CAMKMT: variants seen among roughly 807,000 people sequenced by gnomAD.
The protein encoded by CAMKMT is CaM KMT.
In CAMKMT, 53 loss-of-function variants were observed where a neutral mutation model predicts 48.0. The ratio of observed to expected loss-of-function variants is 1.10; its 90% CI spans 0.89 to 1.39. CAMKMT has a LOEUF of 1.39. CAMKMT is among the 40% of genes most tolerant of loss of function. The probability of loss-of-function intolerance (pLI) is 0.00; values close to 1 mark genes in which losing one functional copy is unlikely to be tolerated. For missense variants in CAMKMT, 428 were observed against 402.7 expected, an observed-to-expected ratio of 1.06 and a Z score of -0.54; for synonymous variants, 165 against 152.3, an observed-to-expected ratio of 1.08 and a Z score of -0.61.
chr2:44,420,380 A>G (rs1260901659), intron 3 of CAMKMT, among the ~76,000 whole-genome samples: 2 of 152,114 alleles, frequency 1.3e-5, no homozygotes, highest in Non-Finnish European at 2.9e-5. Flanking sequence ...GGCAATATAT[A>G]TGTAGAGATA....
At chr2:44,438,925 A>G (rs917837058) in intron 3 of CAMKMT, among the ~76,000 whole-genome samples, 1 of 151,314 alleles carries the variant, frequency 6.6e-6, no homozygotes, top group Non-Finnish European at 1.5e-5. Flanking sequence ...CATCCCCTTA[A>G]CCCCTTGCCT....
At chr2:44,533,343 A>G (rs753882899) in intron 3 of CAMKMT, among the ~76,000 whole-genome samples, 2 of 151,570 alleles carry the variant, frequency 1.3e-5, no homozygotes, top group African/African-American at 2.4e-5. Context: ...GGTTCAAGCA[A>G]TTCTCCTGCC....
intron 3 of CAMKMT, among the ~76,000 whole-genome samples, chr2:44,435,822 T>C (rs1666204958): frequency 6.6e-6 from 1 of 152,232 alleles, no homozygotes. Flanking sequence ...GCCTTTTTAG[T>C]TCATAGTTTA....
intron 3 of CAMKMT, among the ~76,000 whole-genome samples, chr2:44,583,183 A>T (rs1406275902): frequency 6.6e-6 from 1 of 152,158 alleles, no homozygotes; most frequent in African/African-American, 2.4e-5. Context: ...ATTAAAATGG[A>T]CTGGATATTC....
intron 3 of CAMKMT, among the ~76,000 whole-genome samples, chr2:44,620,406 A>G (rs1340748397): frequency 6.6e-6 from 1 of 152,102 alleles, no homozygotes; most frequent in Non-Finnish European, 1.5e-5. Context: ...CATTAACCCT[A>G]CATAAAGCTA....
Position 44,473,664 on chromosome 2 carries a change from A to G in CAMKMT, c.376+83359A>G, listed in dbSNP as rs150377538. On this transcript the variant is annotated intron_variant, in intron 3 of 10. Transcript: ENST00000378494. Reference sequence around the variant, plus strand: ...ATACCTGAAGTTACAAAATATAAAAACAATCCTCTCTCCTTGGGGAAGTTA... The same window carrying G: ...ATACCTGAAGTTACAAAATATAAAAGCAATCCTCTCTCCTTGGGGAAGTTA... Among the ~76,000 whole-genome samples the G allele has an allele frequency of 5.6e-3, 856 of 152,358 alleles. 5 individuals carry two copies. Among genetic ancestry groups the G allele is most frequent in the Non-Finnish European group, 9.1e-3 (617 of 68,038 alleles).
chr2:44,377,187 T>G (rs1679788311), intron 2 of CAMKMT, among the ~76,000 whole-genome samples: 1 of 152,022 alleles, frequency 6.6e-6, no homozygotes, highest in Non-Finnish European at 1.5e-5. Context: ...TTGTATATTT[T>G]GTAGAGATGG....
chr2:44,449,518 CTCTT>C (rs1439485952), intron 3 of CAMKMT, among the ~76,000 whole-genome samples: 2 of 152,192 alleles, frequency 1.3e-5, no homozygotes, highest in East Asian at 3.9e-4. Flanking sequence ...TCTTGGTGAT[CTCTT>C]TCTTTTTTCT....
intron 2 of CAMKMT, among the ~76,000 whole-genome samples, chr2:44,373,786 G>C (rs1679406704): frequency 6.6e-6 from 1 of 151,986 alleles, no homozygotes; most frequent in African/African-American, 2.4e-5. Context: ...TGACTAGGTT[G>C]GGCAGGAAAG....
chr2:44,697,544 G>A (rs1677022207), intron 3 of CAMKMT, among the ~76,000 whole-genome samples: 1 of 151,630 alleles, frequency 6.6e-6, no homozygotes, highest in African/African-American at 2.4e-5. Flanking sequence ...AAATGAGGGG[G>A]GAAAAGACCT....
chr2:44,565,072 G>T (rs1348219010), intron 3 of CAMKMT, among the ~76,000 whole-genome samples: 1 of 152,110 alleles, frequency 6.6e-6, no homozygotes, highest in African/African-American at 2.4e-5. Flanking sequence ...CTGGGTTGAG[G>T]GTTCTTCGGA....
At chr2:44,486,381 T>A (rs972608668) in intron 3 of CAMKMT, among the ~76,000 whole-genome samples, 1 of 152,200 alleles carries the variant, frequency 6.6e-6, no homozygotes, top group Admixed American at 6.5e-5. Flanking sequence ...TAACAGAAGT[T>A]GTGTTTTGTT....
chr2:44,429,601 A>T (rs1684513261), intron 3 of CAMKMT, among the ~76,000 whole-genome samples: 1 of 152,078 alleles, frequency 6.6e-6, no homozygotes, highest in Non-Finnish European at 1.5e-5. Flanking sequence ...GGAGATCGAG[A>T]CCATCCTGGC....
intron 6 of CAMKMT, 91 bp from the exon 7 acceptor site, chr2:44,715,192 CAAAA>C (rs35173334): frequency 0.012 from 5,233 of 420,622 alleles, no homozygotes; most frequent in South Asian, 0.017. Flanking sequence ...GACCCTGTCT[CAAAA>C]AAAAAAAAAA....
intron 3 of CAMKMT, among the ~76,000 whole-genome samples, chr2:44,702,762 C>T (rs114298551): frequency 0.014 from 2,099 of 152,298 alleles, 19 homozygotes; most frequent in South Asian, 0.029. Flanking sequence ...GCCAGAGAGG[C>T]TGAGGTAGTG....
intron 3 of CAMKMT, among the ~76,000 whole-genome samples, chr2:44,479,445 G>T (rs1183818866): frequency 2.0e-5 from 3 of 152,192 alleles, no homozygotes; most frequent in African/African-American, 4.8e-5. Context: ...TTAGATTCAG[G>T]CGGAAGTTGG....
At chr2:44,706,441 C>A in intron 5 of CAMKMT, 100 bp downstream of exon 5, 1 of 1,141,118 alleles carries the variant, frequency 8.8e-7, no homozygotes, top group Non-Finnish European at 1.3e-6. Flanking sequence ...TCAACAGCAT[C>A]AGCTGCGGTC....
At chr2:44,549,072 C>T (rs1027720788) in intron 3 of CAMKMT, among the ~76,000 whole-genome samples, 5 of 152,102 alleles carry the variant, frequency 3.3e-5, no homozygotes, top group East Asian at 1.9e-4. Context: ...TTGTTTCCTC[C>T]GAGATCAGAT....
chr2:44,768,361 A>ATATATATATATATATTTTTT (rs35058824), intron 10 of CAMKMT, among the ~76,000 whole-genome samples: 2 of 115,740 alleles, frequency 1.7e-5, no homozygotes, highest in African/African-American at 7.4e-5. Flanking sequence ...ATATATATAT[A>ATATATATATATATATTTTTT]TTTTTTTTTT....
Sources: gnomAD v4.1 joint callset for allele counts (sites outside exome capture counted in the v4.1 genomes callset) on GRCh38, gnomAD v4.1.1 for gene constraint, MANE v1.5 for transcripts, NCBI Gene and HGNC (gene_info 2026-07-23, HGNC 2026-07-21) for gene names.